The following SLC39A11 variants were observed in gnomAD, a reference collection of about 807,000 sequenced individuals.
SLC39A11 encodes the protein solute carrier family 39 member 11, also known as zinc transporter ZIP11.
Under a neutral mutation model 36.1 loss-of-function variants are expected in SLC39A11, and 33 were observed. The ratio of observed to expected loss-of-function variants is 0.91; its 90% confidence interval spans 0.69 to 1.22. SLC39A11 has a LOEUF of 1.22. Ranked by LOEUF, SLC39A11 falls within the 50% of genes most tolerant of loss-of-function variation. The pLI, the probability that SLC39A11 is intolerant of heterozygous loss-of-function variation, is 0.00. For missense variants in SLC39A11, 432 were observed against 430.3 expected (o/e 1.00, Z -0.03); for synonymous variants, 166 against 170.3 (o/e 0.97, Z 0.20).
chr17:72,782,196 G>A (rs1389157621), intron 6 of SLC39A11, among the ~76,000 whole-genome samples: 2 of 152,148 alleles, frequency 1.3e-5, no homozygotes, highest in Non-Finnish European at 2.9e-5. Context: ...TCTCAGGACA[G>A]AGGCAGAGAC....
chr17:72,881,579 C>T (rs1015340922), intron 5 of SLC39A11, among the ~76,000 whole-genome samples: 6 of 152,060 alleles, frequency 3.9e-5, no homozygotes, highest in African/African-American at 1.2e-4. Flanking sequence ...ATGTCATTTC[C>T]CAAACTTATT....
At chr17:72,776,140 G>A (rs1284197332) in intron 6 of SLC39A11, among the ~76,000 whole-genome samples, 1 of 152,178 alleles carries the variant, frequency 6.6e-6, no homozygotes, top group Non-Finnish European at 1.5e-5. Context: ...GCCAGATGGC[G>A]GATTGGAGGC....
intron 4 of SLC39A11, among the ~76,000 whole-genome samples, chr17:73,004,801 T>C (rs4969049): frequency 0.17 from 25,394 of 152,176 alleles, 2,246 homozygotes; most frequent in African/African-American, 0.24. Context: ...TAGGGCACGA[T>C]GTTATGGGCA....
chr17:72,728,028 G>C (rs576250229), intron 7 of SLC39A11, among the ~76,000 whole-genome samples: 35 of 152,308 alleles, frequency 2.3e-4, no homozygotes, highest in African/African-American at 7.7e-4. Flanking sequence ...GAAGCCTCCT[G>C]CTTCAACAGA....
chr17:73,035,933 T>C (rs1419142762), intron 3 of SLC39A11, among the ~76,000 whole-genome samples: 1 of 147,232 alleles, frequency 6.8e-6, no homozygotes, highest in Non-Finnish European at 1.5e-5. Context: ...AAGCAGAGGC[T>C]ATAGTCAGAA....
chr17:72,924,180 A>G, intron 5 of SLC39A11, among the ~76,000 whole-genome samples: 1 of 100,290 alleles, frequency 1.0e-5, no homozygotes, highest in East Asian at 3.5e-4. Context: ...TTTTTTTTTA[A>G]GGAAAGATGA....
chr17:72,863,753 C>T (rs1184917770), intron 5 of SLC39A11, among the ~76,000 whole-genome samples: 1 of 152,230 alleles, frequency 6.6e-6, no homozygotes, highest in Non-Finnish European at 1.5e-5. Context: ...AGCGTGCCTG[C>T]TGCCATGGCA....
chr17:72,872,399 C>A (rs910555263), intron 5 of SLC39A11, among the ~76,000 whole-genome samples: 1 of 152,322 alleles, frequency 6.6e-6, no homozygotes, highest in Non-Finnish European at 1.5e-5. Context: ...TCAGATTCGA[C>A]AGACGGGTAC....
chr17:72,931,768 T>A (rs907536986), intron 5 of SLC39A11, among the ~76,000 whole-genome samples: 4 of 152,214 alleles, frequency 2.6e-5, no homozygotes, highest in Admixed American at 6.5e-5. Context: ...ATCCTTTCAG[T>A]GACAGGGAGC....
At chr17:72,812,574 C>T (rs1227695635) in intron 6 of SLC39A11, among the ~76,000 whole-genome samples, 4 of 152,162 alleles carry the variant, frequency 2.6e-5, no homozygotes, top group Non-Finnish European at 5.9e-5. Context: ...CCTCATATCA[C>T]AGTCAAAACA....
chr17:72,984,882 T>C (rs1294845436), intron 4 of SLC39A11, among the ~76,000 whole-genome samples: 1 of 152,256 alleles, frequency 6.6e-6, no homozygotes, highest in Non-Finnish European at 1.5e-5. Context: ...CAAATCTATT[T>C]CATTTACTTC....
intron 7 of SLC39A11, among the ~76,000 whole-genome samples, chr17:72,717,118 G>GTATATATATGTATATACTTATATGTGTA (rs146535007): frequency 7.4e-5 from 9 of 120,900 alleles, no homozygotes; most frequent in African/African-American, 3.2e-4. Context: ...ATGTATATAT[G>GTATATATATGTATATACTTATATGTGTA]TATATATGTA....
chr17:72,850,570 G>A (rs1022895022), intron 5 of SLC39A11, among the ~76,000 whole-genome samples: 1 of 152,180 alleles, frequency 6.6e-6, no homozygotes, highest in East Asian at 1.9e-4. Context: ...TTTAAGACAA[G>A]CAATGTTGAG....
intron 5 of SLC39A11, among the ~76,000 whole-genome samples, chr17:72,874,598 G>C (rs550839783): frequency 6.6e-6 from 1 of 152,154 alleles, no homozygotes. Flanking sequence ...TGAAGTTATC[G>C]GTCCAGAAAG....
intron 7 of SLC39A11, among the ~76,000 whole-genome samples, chr17:72,676,123 CTCT>C (rs1567934339): frequency 6.6e-6 from 1 of 151,632 alleles, no homozygotes; most frequent in African/African-American, 2.4e-5. Flanking sequence ...TAAAGCAACT[CTCT>C]TTTTTTCAAA....
chr17:73,030,996 T>C (rs1276307444), intron 4 of SLC39A11, among the ~76,000 whole-genome samples: 1 of 152,194 alleles, frequency 6.6e-6, no homozygotes, highest in Non-Finnish European at 1.5e-5. Flanking sequence ...TTTTTAAAAT[T>C]TTACTGTACA....
intron 5 of SLC39A11, among the ~76,000 whole-genome samples, chr17:72,923,093 ATT>A (rs1332507601): frequency 2.7e-5 from 4 of 149,974 alleles, no homozygotes; most frequent in African/African-American, 9.8e-5. Context: ...CTTTCTTGTC[ATT>A]TTCTATCTAA....
Position 72,787,369 on chromosome 17 carries a change from T to C in SLC39A11, c.602-50650A>G, listed in dbSNP as rs1425828208. 2.0e-5 allele frequency among the ~76,000 whole-genome samples: 3 copies of C among 147,228 alleles called. No individual in the cohort carries two copies. The East Asian group carries it at 6.2e-4, about 30-fold the overall frequency. On this transcript the variant is annotated intron_variant, in intron 6 of 9. Transcript: ENST00000255559. The stretch of plus-strand genomic sequence containing the variant: ...ACCTCCCGGGTTCACGCCATTCTCC[T>C]GCCTCAGCCTCCCGAGTAGCTGGGA...
intron 6 of SLC39A11, among the ~76,000 whole-genome samples, chr17:72,768,372 C>T (rs943195674): frequency 6.6e-6 from 1 of 152,194 alleles, no homozygotes; most frequent in Non-Finnish European, 1.5e-5. Flanking sequence ...AAGGAAAAGG[C>T]AAGATAGTGA....
Sources: allele counts gnomAD v4.1 joint callset (sites outside exome capture counted in the v4.1 genomes callset), GRCh38; gene constraint gnomAD v4.1.1; transcripts MANE v1.5; gene names NCBI Gene and HGNC (gene_info 2026-07-23, HGNC 2026-07-21).